Variants in DENND4C observed in about 807,000 individuals in gnomAD.
The protein encoded by DENND4C is DENN domain-containing protein 4C.
DENND4C carries 108 observed loss-of-function variants against 203.0 expected under a neutral mutation model. The ratio of observed to expected loss-of-function variants is 0.53; its 90% CI spans 0.46 to 0.62. The LOEUF (loss-of-function observed/expected upper bound fraction) is 0.62, where lower values mean the gene tolerates loss of function less well. Among genes scored for constraint, DENND4C ranks in the 20% least tolerant of loss-of-function variants. The pLI, the probability that DENND4C is intolerant of heterozygous loss-of-function variation, is 0.00. For synonymous variants in DENND4C, 871 were observed against 792.4 expected (o/e 1.10, Z -1.67); for missense variants, 2,481 against 2,301.2 (o/e 1.08, Z -1.60).
chr9:19,238,102 G>C (rs1259607886), intron 1 of DENND4C, among the ~76,000 whole-genome samples: 1 of 146,698 alleles, frequency 6.8e-6, no homozygotes, highest in Non-Finnish European at 1.5e-5. Context: ...TTTTTTTTGA[G>C]ATAGAGTTTC....
At chr9:19,260,574 T>C (rs1174206819) in intron 1 of DENND4C, among the ~76,000 whole-genome samples, 1 of 152,102 alleles carries the variant, frequency 6.6e-6, no homozygotes, top group Non-Finnish European at 1.5e-5. Flanking sequence ...ATTTTTGTAT[T>C]TTTAGTAGAG....
intron 4 of DENND4C, among the ~76,000 whole-genome samples, chr9:19,289,778 G>C (rs978439984): frequency 7.0e-6 from 1 of 143,778 alleles, no homozygotes; most frequent in African/African-American, 2.6e-5. Flanking sequence ...GCAGTGAGCC[G>C]AGATCACACC....
At chr9:19,334,732 G>T (rs2131836374) in intron 17 of DENND4C, among the ~76,000 whole-genome samples, 1 of 152,046 alleles carries the variant, frequency 6.6e-6, no homozygotes, top group East Asian at 1.9e-4. Context: ...CACCATGTTG[G>T]CCAGGTTGGT....
chr9:19,254,387 C>T (rs754964200), intron 1 of DENND4C, among the ~76,000 whole-genome samples: 4 of 152,174 alleles, frequency 2.6e-5, no homozygotes, highest in Non-Finnish European at 5.9e-5. Context: ...TACACACACA[C>T]AGCAGAATAC....
intron 1 of DENND4C, among the ~76,000 whole-genome samples, chr9:19,268,392 A>C (rs929913834): frequency 6.6e-6 from 1 of 152,010 alleles, no homozygotes; most frequent in Non-Finnish European, 1.5e-5. Context: ...GAGCCACCGC[A>C]CCTGGTTGTA....
chr9:19,300,489 T>C (rs942032247), intron 9 of DENND4C, among the ~76,000 whole-genome samples, 158 bp downstream of exon 9: 44 of 152,210 alleles, frequency 2.9e-4, no homozygotes. Flanking sequence ...TATAATCTGC[T>C]GGCAAAGAGA....
At chr9:19,300,051 T>C in intron 8 of DENND4C, 136 bp from the exon 9 acceptor site, 1 of 854,732 alleles carries the variant, frequency 1.2e-6, no homozygotes, top group Non-Finnish European at 1.6e-6. Flanking sequence ...TTAAATTTGC[T>C]ACTTTTCATT....
chr9:19,238,301 C>T (rs907228607), intron 1 of DENND4C, among the ~76,000 whole-genome samples: 23 of 151,598 alleles, frequency 1.5e-4, no homozygotes, highest in Non-Finnish European at 3.1e-4. Flanking sequence ...AGGCTGGTCT[C>T]GAACTCCTGA....
At chr9:19,295,560 A>G (rs2064237539) in intron 5 of DENND4C, among the ~76,000 whole-genome samples, 1 of 151,770 alleles carries the variant, frequency 6.6e-6, no homozygotes, top group Non-Finnish European at 1.5e-5. Flanking sequence ...CTGTAATGCC[A>G]GCTACTCGGG....
chr9:19,256,385 C>T (rs1827969522), intron 1 of DENND4C, among the ~76,000 whole-genome samples: 1 of 132,158 alleles, frequency 7.6e-6, no homozygotes, highest in Admixed American at 9.1e-5. Flanking sequence ...TCTCTGCTCA[C>T]TGCTCACTGC....
chr9:19,279,637 A>G (rs549896436), intron 2 of DENND4C, among the ~76,000 whole-genome samples: 156 of 151,956 alleles, frequency 1.0e-3, no homozygotes, highest in Non-Finnish European at 1.9e-3. Flanking sequence ...AGATTGTGCC[A>G]CTGGGCTCCA....
chr9:19,368,327 T>C (rs1828114665), intron 30 of DENND4C, among the ~76,000 whole-genome samples: 1 of 151,268 alleles, frequency 6.6e-6, no homozygotes, highest in Non-Finnish European at 1.5e-5. Flanking sequence ...AGGGGCGGTG[T>C]TACACAATAC....
chr9:19,232,304 A>G (rs115803508), intron 1 of DENND4C, among the ~76,000 whole-genome samples: 299 of 152,206 alleles, frequency 2.0e-3, no homozygotes, highest in African/African-American at 6.3e-3. Flanking sequence ...CTGCCACTCA[A>G]TCCACACTTT....
intron 10 of DENND4C, among the ~76,000 whole-genome samples, chr9:19,311,272 C>T (rs1185367062): frequency 6.6e-6 from 1 of 152,044 alleles, no homozygotes; most frequent in African/African-American, 2.4e-5. Context: ...CACAGGCATG[C>T]ACCATCATGC....
intron 23 of DENND4C, among the ~76,000 whole-genome samples, chr9:19,350,183 T>C (rs1358000204): frequency 6.6e-6 from 1 of 152,222 alleles, no homozygotes; most frequent in Non-Finnish European, 1.5e-5. Context: ...TGATATTTGT[T>C]ATTCTGAACA....
intron 2 of DENND4C, among the ~76,000 whole-genome samples, chr9:19,286,267 C>T (rs545420552): frequency 5.3e-4 from 80 of 152,034 alleles, no homozygotes; most frequent in African/African-American, 1.9e-3. Context: ...GAGGGTATTG[C>T]CATCATTGTC....
In DENND4C at chr9:19,237,522, T is replaced by G. The variant is rs1822300685; in HGVS notation, c.-18+6689T>G. Among the ~76,000 whole-genome samples, 3 of 152,118 alleles carry G rather than the reference T, an allele frequency of 2.0e-5. No homozygotes were observed. In the East Asian group the frequency reaches 5.8e-4, roughly 29 times the overall value. ...TTGTGCCACCACGCCTGGCTAATTT[T>G]GTGTGTGTGTGTTTTTAGTAGAGAC... On this transcript the variant is annotated intron_variant, in intron 1 of 32. Transcript: ENST00000434457.
intron 12 of DENND4C, among the ~76,000 whole-genome samples, chr9:19,319,211 G>A (rs1383840462): frequency 1.4e-5 from 2 of 140,392 alleles, no homozygotes; most frequent in Admixed American, 7.2e-5. Flanking sequence ...ACACATATAT[G>A]TATATATATA....
intron 16 of DENND4C, among the ~76,000 whole-genome samples, chr9:19,329,657 TC>T (rs1233596772): frequency 2.6e-5 from 4 of 152,194 alleles, no homozygotes; most frequent in African/African-American, 9.7e-5. Flanking sequence ...CACTTTACAT[TC>T]CCACCAGTAG....
Sources: gnomAD v4.1 joint callset for allele counts (sites outside exome capture counted in the v4.1 genomes callset) on GRCh38, gnomAD v4.1.1 for gene constraint, MANE v1.5 for transcripts, NCBI Gene and HGNC (gene_info 2026-07-23, HGNC 2026-07-21) for gene names.